Variants in DSCAM observed in about 807,000 individuals in gnomAD.
DSCAM encodes DS cell adhesion molecule, also known as cell adhesion molecule DSCAM.
DSCAM carries 47 observed loss-of-function variants against 217.7 expected under a neutral mutation model. The ratio of observed to expected loss-of-function variants is 0.22; its 90% CI spans 0.17 to 0.28. The LOEUF (loss-of-function observed/expected upper bound fraction) is 0.28, where lower values mean the gene tolerates loss of function less well. DSCAM is among the 10% of genes least tolerant of loss of function. The pLI, the probability that DSCAM is intolerant of heterozygous loss-of-function variation, is 1.00. For synonymous variants in DSCAM, 1,056 were observed against 1,015.3 expected, an observed-to-expected ratio of 1.04 and a Z score of -0.76; for missense variants, 2,080 against 2,618.3, an observed-to-expected ratio of 0.79 and a Z score of 4.49.
In DSCAM at chr21:40,692,917, T is replaced by C; in HGVS notation, c.401A>G (p.Lys134Arg). 6.2e-7 allele frequency: 1 copy of C among 1,613,994 alleles called. No individual in the cohort carries two copies. Among genetic ancestry groups the C allele is most frequent in the Admixed American group, 1.7e-5 (1 of 60,016 alleles). The change falls in exon 3 of 33, where the codon AAA becomes AGA. Residue 134 changes from lysine (K) to arginine (R), a missense_variant. Lys to Arg is a conservative substitution (Grantham distance 26). Coordinates refer to ENST00000400454, the MANE Select transcript of DSCAM (RefSeq NM_001389.5). ...EPYTVRVEDQ[K>R]TMRGNVAVFK... is the part of the protein sequence containing the mutation. Reference sequence around the variant, plus strand: ...GACCGCAACATTGCCTCTCATGGTTTTCTGGTCCTCCACACGGACTGTATA... The same window carrying C: ...GACCGCAACATTGCCTCTCATGGTTCTCTGGTCCTCCACACGGACTGTATA...
At chr21:40,700,705 T>G (rs1194819870) in intron 2 of DSCAM, among the ~76,000 whole-genome samples, 1 of 151,850 alleles carries the variant, frequency 6.6e-6, no homozygotes, top group Admixed American at 6.6e-5. Flanking sequence ...CTGGAAGAAT[T>G]TGTTTATAAT....
intron 3 of DSCAM, among the ~76,000 whole-genome samples, chr21:40,692,527 C>T (rs982043541): frequency 3.9e-5 from 6 of 152,134 alleles, no homozygotes; most frequent in Non-Finnish European, 5.9e-5. Context: ...TAGAAGCAGA[C>T]GTAAAACCAC....
intron 3 of DSCAM, among the ~76,000 whole-genome samples, chr21:40,577,837 C>T (rs779605143): frequency 6.6e-6 from 1 of 152,152 alleles, no homozygotes; most frequent in East Asian, 1.9e-4. Flanking sequence ...GGGCTTTGGG[C>T]GTTATCAATC....
At chr21:40,719,208 T>G (rs995506689) in intron 1 of DSCAM, among the ~76,000 whole-genome samples, 3 of 152,144 alleles carry the variant, frequency 2.0e-5, no homozygotes, top group African/African-American at 7.2e-5. Flanking sequence ...CATTAAAAAG[T>G]GCTTCAATGC....
chr21:40,774,379 C>T (rs527728505), intron 1 of DSCAM, among the ~76,000 whole-genome samples: 2 of 152,336 alleles, frequency 1.3e-5, no homozygotes, highest in East Asian at 1.9e-4. Flanking sequence ...CATGAAGGAG[C>T]AATGGAACAG....
intron 10 of DSCAM, among the ~76,000 whole-genome samples, chr21:40,294,017 G>A (rs1375920522): frequency 1.3e-5 from 2 of 152,096 alleles, no homozygotes; most frequent in Non-Finnish European, 1.5e-5. Context: ...GTTTGCAGCA[G>A]TTATCTTTGA....
chr21:40,458,608 T>C (rs1158615767), intron 3 of DSCAM, among the ~76,000 whole-genome samples: 1 of 152,024 alleles, frequency 6.6e-6, no homozygotes, highest in Non-Finnish European at 1.5e-5. Context: ...GAAAACAGAA[T>C]CATGTTAGAC....
rs537245120 is a variant in DSCAM, at chr21:40,334,033, G to C, written c.1783+4068C>G. ...TCAAACAGTCCTTGTTTGAATTTTT[G>C]TCAGACTTTATTTTCAGATATTTGG... On this transcript the variant is annotated intron_variant, in intron 8 of 32. Transcript: ENST00000400454. Among the ~76,000 whole-genome samples the C allele has an allele frequency of 3.0e-4, 45 of 152,276 alleles. No homozygotes were observed. In the South Asian group the frequency reaches 4.1e-3, roughly 14 times the overall value.
Position 40,262,052 on chromosome 21 carries a change from G to GCTTTCTTT in DSCAM, c.2356+14037_2356+14044dup, listed in dbSNP as rs917648677. ...CTCCCTCCCTCTCTCTCTCCCTCTC[G>GCTTTCTTT]CTTTCTTTCTTTCTTTCTGTCCATG... On this transcript the variant is annotated intron_variant, in intron 11 of 32. Coordinates refer to ENST00000400454, the MANE Select transcript of DSCAM (RefSeq NM_001389.5). Among the ~76,000 whole-genome samples, 527 of 150,544 alleles carry GCTTTCTTT rather than the reference G, an allele frequency of 3.5e-3. 5 individuals carry two copies. The highest frequency in any genetic ancestry group is 0.012 in the African/African-American group (504 of 40,996).
intron 3 of DSCAM, among the ~76,000 whole-genome samples, chr21:40,493,895 T>TAC (rs1568850991): frequency 1.5e-4 from 21 of 142,492 alleles, no homozygotes; most frequent in Middle Eastern, 3.7e-3. Context: ...TACATATATA[T>TAC]ACATATATAT....
At chr21:40,601,774 T>C (rs2077063796) in intron 3 of DSCAM, among the ~76,000 whole-genome samples, 2 of 152,198 alleles carry the variant, frequency 1.3e-5, no homozygotes, top group Admixed American at 1.3e-4. Context: ...GATCATATGA[T>C]TTTCATTCTT....
At chr21:40,607,865 T>C (rs2089262542) in intron 3 of DSCAM, among the ~76,000 whole-genome samples, 1 of 152,190 alleles carries the variant, frequency 6.6e-6, no homozygotes, top group Non-Finnish European at 1.5e-5. Flanking sequence ...AATGAACTAA[T>C]ACAAAGCAAT....
chr21:40,151,174 A>G (rs959273870), intron 16 of DSCAM, among the ~76,000 whole-genome samples: 3 of 152,080 alleles, frequency 2.0e-5, no homozygotes, highest in Non-Finnish European at 2.9e-5. Context: ...TGCCTGAAAA[A>G]GGGTGGGGAT....
intron 3 of DSCAM, among the ~76,000 whole-genome samples, chr21:40,468,676 G>A (rs2075864285): frequency 6.6e-6 from 1 of 152,076 alleles, no homozygotes; most frequent in Admixed American, 6.5e-5. Context: ...GAAGCATCTC[G>A]ATAGCCTAAG....
intron 3 of DSCAM, among the ~76,000 whole-genome samples, chr21:40,507,727 T>G (rs1008583337): frequency 6.6e-6 from 1 of 151,844 alleles, no homozygotes; most frequent in African/African-American, 2.4e-5. Context: ...AAGGTGGAGG[T>G]TGCAGTGATC....
At chr21:40,073,530 T>C (rs2089324374) in intron 27 of DSCAM, among the ~76,000 whole-genome samples, 1 of 152,326 alleles carries the variant, frequency 6.6e-6, no homozygotes, top group South Asian at 2.1e-4. Flanking sequence ...GAATTCAACA[T>C]GGTCCACATT....
chr21:40,794,415 T>G (rs2091672881), intron 1 of DSCAM, among the ~76,000 whole-genome samples: 1 of 152,112 alleles, frequency 6.6e-6, no homozygotes, highest in Non-Finnish European at 1.5e-5. Flanking sequence ...GTTTCATTGG[T>G]CTTTGGGGAC....
intron 3 of DSCAM, among the ~76,000 whole-genome samples, chr21:40,429,285 A>C (rs2075507367): frequency 6.7e-6 from 1 of 148,916 alleles, no homozygotes; most frequent in Non-Finnish European, 1.5e-5. Flanking sequence ...TTTTTTTTGG[A>C]GACAGAGTTT....
At chr21:40,659,575 T>A (rs1012862040) in intron 3 of DSCAM, among the ~76,000 whole-genome samples, 2 of 152,196 alleles carry the variant, frequency 1.3e-5, no homozygotes, top group African/African-American at 4.8e-5. Context: ...TATCTATGTA[T>A]CTATCTTTCA....
Sources: allele counts gnomAD v4.1 joint callset (sites outside exome capture counted in the v4.1 genomes callset), GRCh38; gene constraint gnomAD v4.1.1; transcripts MANE v1.5; gene names NCBI Gene and HGNC (gene_info 2026-07-23, HGNC 2026-07-21).